ARHGAP26: variants seen among roughly 807,000 people sequenced by gnomAD.
ARHGAP26 encodes the protein Rho GTPase activating protein 26.
A neutral mutation model predicts 104.8 loss-of-function variants in ARHGAP26; 38 were observed. The observed-to-expected ratio is 0.36, with a 90% CI of 0.28 to 0.48. ARHGAP26 has a LOEUF of 0.48. Ranked by LOEUF, ARHGAP26 falls within the 20% of genes least tolerant of loss-of-function variation. The pLI is 0.99. For synonymous variants in ARHGAP26, 341 were observed against 340.0 expected (o/e 1.00, Z -0.03); for missense variants, 704 against 947.9 (o/e 0.74, Z 3.38).
At chr5:143,093,986 G>GC (rs1231450143) in intron 17 of ARHGAP26, among the ~76,000 whole-genome samples, 3 of 151,824 alleles carry the variant, frequency 2.0e-5, no homozygotes, top group African/African-American at 4.8e-5. Context: ...GAAGTTCAAC[G>GC]CCCCCCCATG....
chr5:143,014,495 C>G (rs982955222), intron 12 of ARHGAP26: 1 of 211,418 alleles, frequency 4.7e-6, no homozygotes, highest in African/African-American at 2.3e-5. Flanking sequence ...GCCAAAGTTG[C>G]TGTTGCCTCC....
chr5:142,861,966 G>T (rs1597962457), intron 1 of ARHGAP26, among the ~76,000 whole-genome samples: 1 of 152,184 alleles, frequency 6.6e-6, no homozygotes, highest in East Asian at 1.9e-4. Context: ...TAGGAACAGT[G>T]CAGGGGTTTC....
chr5:143,038,684 C>CTTTTTTTTTTTTTTT (rs60428049), intron 13 of ARHGAP26, among the ~76,000 whole-genome samples: 1 of 64,384 alleles, frequency 1.6e-5, no homozygotes, highest in Non-Finnish European at 2.6e-5. Context: ...GACATACGGC[C>CTTTTTTTTTTTTTTT]TTTTTTTTTT....
chr5:143,143,684 T>C (rs569231117), intron 19 of ARHGAP26, among the ~76,000 whole-genome samples: 6 of 152,298 alleles, frequency 3.9e-5, no homozygotes, highest in African/African-American at 1.4e-4. Context: ...ATTTATCTTA[T>C]AACCATTCAC....
At chr5:142,981,795 G>T (rs752785027) in intron 11 of ARHGAP26, among the ~76,000 whole-genome samples, 2 of 152,114 alleles carry the variant, frequency 1.3e-5, no homozygotes, top group South Asian at 2.1e-4. Context: ...AAGTGGTGTC[G>T]TGGTACCACC....
intron 17 of ARHGAP26, among the ~76,000 whole-genome samples, chr5:143,067,605 G>A (rs1050442225): frequency 6.6e-6 from 1 of 152,056 alleles, no homozygotes; most frequent in Non-Finnish European, 1.5e-5. Context: ...GATTTATTTC[G>A]TGTTTCCAAT....
chr5:142,873,417 C>G lies in ARHGAP26; in HGVS notation c.172C>G (p.Arg58Gly), dbSNP rs774726416. ...CTTGCTAGATTTGTCTTCAGCGAAGCGGAAGTTTGCAGATTCCTTAAATGA... is the reference window on the plus strand; with the variant it reads ...CTTGCTAGATTTGTCTTCAGCGAAGGGGAAGTTTGCAGATTCCTTAAATGA... The part of the protein sequence containing the change: ...SALKNLSSAK[R>G]KFADSLNEFK... The change falls in exon 2 of 23, where the codon CGG becomes GGG. Residue 58 changes from arginine to glycine, a missense_variant. By Grantham distance (125) the Arg-to-Gly change is moderately radical. This residue lies in a region of ARHGAP26 where 77 missense variants were observed against 82.6 expected (regional missense o/e 0.93). Transcript: ENST00000645722. The G allele has an allele frequency of 6.3e-7, 1 of 1,591,778 alleles. No individual in the cohort carries two copies. Among genetic ancestry groups the G allele is most frequent in the Non-Finnish European group, 8.5e-7 (1 of 1,174,266 alleles).
chr5:142,899,582 G>A (rs1759985243), intron 6 of ARHGAP26, among the ~76,000 whole-genome samples: 1 of 152,130 alleles, frequency 6.6e-6, no homozygotes, highest in African/African-American at 2.4e-5. Flanking sequence ...CTTCCTCCTA[G>A]TGTTTGGGTA....
intron 12 of ARHGAP26, among the ~76,000 whole-genome samples, chr5:143,033,579 T>C (rs1046448473): frequency 6.6e-6 from 1 of 152,198 alleles, no homozygotes; most frequent in African/African-American, 2.4e-5. Context: ...ACTGGGGTCA[T>C]CACTGTCAGA....
At chr5:143,203,526 G>A (rs186265906) in intron 20 of ARHGAP26, 1 of 152,300 alleles carries the variant, frequency 6.6e-6, no homozygotes, top group East Asian at 1.9e-4. Flanking sequence ...ATTTTTCAAG[G>A]ATCTAGAGCC....
At chr5:143,203,570 G>A (rs1808103446) in intron 20 of ARHGAP26, 1 of 152,176 alleles carries the variant, frequency 6.6e-6, no homozygotes, top group African/African-American at 2.4e-5. Flanking sequence ...TCCCACTACT[G>A]TGTATACACC....
At chr5:143,022,202 G>T (rs1780434560) in intron 12 of ARHGAP26, among the ~76,000 whole-genome samples, 9 of 152,104 alleles carry the variant, frequency 5.9e-5, no homozygotes, top group Admixed American at 5.2e-4. Context: ...CTCCCTAGTA[G>T]CTGGGATTAC....
intron 11 of ARHGAP26, among the ~76,000 whole-genome samples, chr5:142,951,839 T>C (rs2152612194): frequency 6.6e-6 from 1 of 152,348 alleles, no homozygotes; most frequent in African/African-American, 2.4e-5. Flanking sequence ...ATTAGTTTCC[T>C]AGAGTTACCA....
intron 17 of ARHGAP26, among the ~76,000 whole-genome samples, chr5:143,095,852 A>T (rs1370250909): frequency 6.6e-6 from 1 of 152,248 alleles, no homozygotes; most frequent in Admixed American, 6.5e-5. Flanking sequence ...GATTATAGGC[A>T]TGAGCCACTG....
intron 11 of ARHGAP26, among the ~76,000 whole-genome samples, chr5:142,999,706 T>G (rs535694827): frequency 7.8e-4 from 119 of 152,200 alleles, no homozygotes; most frequent in African/African-American, 2.8e-3. Flanking sequence ...ATCTATGCGA[T>G]CTGGGATTGG....
intron 1 of ARHGAP26, among the ~76,000 whole-genome samples, chr5:142,798,255 C>T (rs956647463): frequency 2.6e-5 from 4 of 152,196 alleles, no homozygotes; most frequent in African/African-American, 4.8e-5. Flanking sequence ...CTGCATCTTC[C>T]GGCAACAGGA....
At chr5:143,055,891 AACT>A in intron 15 of ARHGAP26, 134 bp from the exon 16 acceptor site, 1 of 591,358 alleles carries the variant, frequency 1.7e-6, no homozygotes, top group Non-Finnish European at 2.9e-6. Context: ...GCAATAGGGA[AACT>A]ACATTGTTAT....
chr5:143,080,126 T>C (rs980092768), intron 17 of ARHGAP26, among the ~76,000 whole-genome samples: 2 of 152,188 alleles, frequency 1.3e-5, no homozygotes, highest in Admixed American at 6.5e-5. Context: ...GTAGGACTGC[T>C]AGGAGCCTTT....
rs1778952660 is a variant in ARHGAP26, at chr5:143,012,552, C to CATATATATATATATATACAT, written c.1108-1511_1108-1510insCATATATATATATATATATA. On this transcript the variant is annotated intron_variant, in intron 11 of 22. Coordinates refer to ENST00000645722, the MANE Select transcript of ARHGAP26 (RefSeq NM_001135608.3). The stretch of plus-strand genomic sequence containing the variant: ...AGGGATATATTTATATACATACATA[C>CATATATATATATATATACAT]ATATATATATATATATATATATATT... Among the ~76,000 whole-genome samples the CATATATATATATATATACAT allele has an allele frequency of 1.9e-4, 4 of 20,846 alleles. 1 individual carries two copies. The highest frequency in any genetic ancestry group is 1.6e-3 in the Admixed American group (2 of 1,258). The allele number at this position is 20,846 out of a possible 152,430, so 13.7% of individuals were successfully genotyped here.
Sources: gnomAD v4.1 joint callset for allele counts (sites outside exome capture counted in the v4.1 genomes callset) on GRCh38, gnomAD v4.1.1 for gene constraint, gnomAD v4.1.1 regional missense constraint, MANE v1.5 for transcripts, NCBI Gene and HGNC (gene_info 2026-07-23, HGNC 2026-07-21) for gene names.